PKD1: variants seen among roughly 807,000 people sequenced by gnomAD.
PKD1 encodes polycystin 1, transient receptor potential channel interacting.
Under a neutral mutation model 361.7 loss-of-function variants are expected in PKD1, and 81 were observed. The observed-to-expected ratio is 0.22, with a 90% CI of 0.19 to 0.27. The LOEUF (loss-of-function observed/expected upper bound fraction) is 0.27, where lower values mean the gene tolerates loss of function less well. Ranked by LOEUF, PKD1 falls within the 10% of genes least tolerant of loss-of-function variation. The pLI, the probability that PKD1 is intolerant of heterozygous loss-of-function variation, is 1.00. For synonymous variants in PKD1, 3,615 were observed against 2,818.3 expected (o/e 1.28, Z -8.95); for missense variants, 6,399 against 6,118.3 (o/e 1.05, Z -1.53).
chr16:2,129,878 G>T (rs1168831647), intron 1 of PKD1, among the ~76,000 whole-genome samples: 3 of 151,774 alleles, frequency 2.0e-5, no homozygotes, highest in Non-Finnish European at 4.4e-5. Context: ...GTCTGTTGTT[G>T]AATCATAGTG....
rs1381046981 is a variant in PKD1, at chr16:2,091,512, C to T, written c.11623G>A (p.Ala3875Thr). ...AAVTLRLEFP[A>T]AGRALAALSV... Reference sequence around the variant, plus strand: ...AGGGCGGCCAGGGCGCGGCCGGCCGCCGGGAACTCGAGGCGCAGCGTGACG... The same window carrying T: ...AGGGCGGCCAGGGCGCGGCCGGCCGTCGGGAACTCGAGGCGCAGCGTGACG... Residue 3875 changes from alanine (A) to threonine (T), a missense_variant, in exon 42 of 46, where the codon GCG becomes ACG. Coordinates refer to ENST00000262304, the MANE Select transcript of PKD1 (RefSeq NM_001009944.3). 3.4e-6 allele frequency: 5 copies of T among 1,451,364 alleles called. No individual in the cohort carries two copies. The highest frequency in any genetic ancestry group is 4.5e-6 in the Non-Finnish European group (5 of 1,112,630). 89.9% of individuals were successfully genotyped at this position (1,451,364 alleles called of 1,614,324 possible). A position where few individuals can be genotyped will look rare whatever the true frequency, so the allele number is the denominator to read the frequency against.
chr16:2,134,610 C>G (rs1160853276), intron 1 of PKD1, among the ~76,000 whole-genome samples: 2 of 151,694 alleles, frequency 1.3e-5, no homozygotes, highest in African/African-American at 4.9e-5. Context: ...ATGCACATCC[C>G]GGCTGTGATG....
intron 16 of PKD1, 146 bp downstream of exon 16, chr16:2,107,737 C>G: frequency 3.9e-6 from 3 of 761,252 alleles, no homozygotes; most frequent in South Asian, 1.6e-5. Flanking sequence ...AAAGCTGAAG[C>G]AGGCTGTCGT....
chr16:2,116,778 G>A lies in PKD1; in HGVS notation c.1606+55C>T, dbSNP rs777852280. 2.7e-4 allele frequency: 329 copies of A among 1,200,294 alleles called. 1 individual carries two copies. Among genetic ancestry groups the A allele is most frequent in the Non-Finnish European group, 3.5e-4 (299 of 842,818 alleles). 74.4% of individuals were successfully genotyped at this position (1,200,294 alleles called of 1,614,324 possible). ...AGCCCAGGCTCCACCGCGGGCGCTC[G>A]GCAGGCCCCTAACCACAGCCAGCGT... On this transcript the variant is annotated intron_variant, in intron 7 of 45. Coordinates refer to ENST00000262304, the MANE Select transcript of PKD1 (RefSeq NM_001009944.3).
chr16:2,130,578 G>A (rs2092861328), intron 1 of PKD1, among the ~76,000 whole-genome samples: 1 of 152,226 alleles, frequency 6.6e-6, no homozygotes, highest in Non-Finnish European at 1.5e-5. Context: ...CCTAGTCCTC[G>A]CTCTCAGGAT....
rs571731180 is a variant in PKD1 at position 2,088,763 on chromosome 16, G to C, written c.*964C>G. 1.8e-6 allele frequency: 2 copies of C among 1,112,224 alleles called. No individual in the cohort carries two copies. The highest frequency in any genetic ancestry group is 1.3e-6 in the Non-Finnish European group (1 of 793,798). 68.9% of individuals were successfully genotyped at this position (1,112,224 alleles called of 1,614,324 possible). The stretch of plus-strand genomic sequence containing the variant: ...GTCTGCTTGGTGCGGGGGTTGGGGG[G>C]GTGTCGAGGCTCTAGAAGCGGCCAT... On this transcript the variant is annotated 3_prime_UTR_variant, in exon 46 of 46. Transcript: ENST00000262304.
chr16:2,104,901 A>AAGGG (rs1277806215), intron 21 of PKD1, among the ~76,000 whole-genome samples: 5 of 6,606 alleles, frequency 7.6e-4, no homozygotes, highest in South Asian at 7.2e-3. Flanking sequence ...GAGGGGAGAG[A>AAGGG]GGAGAGGGGA....
rs763606015 is a variant in PKD1 at position 2,109,225 on chromosome 16, T to C, written c.5942A>G (p.Glu1981Gly). ...VSGLQVPNCC[E>G]PGIATGTERN... ...CTCAGTGCCCGTGGCGATGCCAGGC[T>C]CGCAGCAGTTGGGCACCTGCAGCCC... is the stretch of plus-strand genomic sequence containing the variant. The change falls in exon 15 of 46, where the codon GAG (glutamate) becomes GGG (glycine). Residue 1981 changes from glutamate to glycine, a missense_variant. By Grantham distance (98) the Glu-to-Gly change is moderately conservative (BLOSUM62 -2). Transcript: ENST00000262304. 6.3e-7 allele frequency: 1 copy of C among 1,590,850 alleles called. No individual in the cohort carries two copies. The highest frequency in any genetic ancestry group is 2.3e-5 in the East Asian group (1 of 44,350).
intron 1 of PKD1, among the ~76,000 whole-genome samples, chr16:2,123,220 AG>A (rs1567223141): frequency 6.6e-6 from 1 of 152,116 alleles, no homozygotes; most frequent in Non-Finnish European, 1.5e-5. Flanking sequence ...CCCCAGCCCA[AG>A]GCCCAGAAAT....
intron 6 of PKD1, among the ~76,000 whole-genome samples, 177 bp from the exon 7 acceptor site, chr16:2,117,230 C>T (rs1444653502): frequency 6.6e-6 from 1 of 152,198 alleles, no homozygotes; most frequent in Non-Finnish European, 1.5e-5. Flanking sequence ...CCCACGGGGC[C>T]TGTGGGTACC....
At chr16:2,135,001 C>G (rs1261140411) in intron 1 of PKD1, 1 of 595,046 alleles carries the variant, frequency 1.7e-6, no homozygotes, top group African/African-American at 2.1e-5. Flanking sequence ...TTGCTCACAC[C>G]GTTCACCCCC....
At chr16:2,090,847 G>A (rs1188216538) in intron 43 of PKD1, 37 bp downstream of exon 43, 1 of 1,610,090 alleles carries the variant, frequency 6.2e-7, no homozygotes, top group South Asian at 1.1e-5. Flanking sequence ...GCCCTGGGGT[G>A]TGCGCCCAGC....
At chr16:2,105,125 C>T (rs1331610086) in intron 21 of PKD1, among the ~76,000 whole-genome samples, 197 bp downstream of exon 21, 4 of 149,650 alleles carry the variant, frequency 2.7e-5, no homozygotes, top group African/African-American at 4.9e-5. Context: ...CTGGGTCCCC[C>T]GAGAGGCACC....
rs754218771 is a variant in PKD1, at chr16:2,100,169, C to A, written c.9709G>T (p.Ala3237Ser). ...GGLVEKEVLAASDAALLRFRR... is the reference protein window; with the variant it reads ...GGLVEKEVLASSDAALLRFRR... ...GGAACATGGAACGAGGCCTTACTCG[C>A]GGCCAGCACCTCCTTCTCCACCAGG... The change falls in exon 28 of 46, where the codon GCG (alanine) becomes TCG (serine). Residue 3237 changes from alanine to serine, a missense_variant. Transcript: ENST00000262304. The surrounding 1 kb of genome is among the most constrained non-coding windows in gnomAD (Gnocchi z 4.4). 1.2e-6 allele frequency: 2 copies of A among 1,607,888 alleles called. No homozygotes were observed. The highest frequency in any genetic ancestry group is 8.5e-7 in the Non-Finnish European group (1 of 1,177,436).
In PKD1 at chr16:2,109,756, C is replaced by A; in HGVS notation, c.5411G>T (p.Gly1804Val). The A allele has an allele frequency of 6.2e-7, 1 of 1,609,422 alleles. No homozygotes were observed. Among genetic ancestry groups the A allele is most frequent in the Non-Finnish European group, 8.5e-7 (1 of 1,179,320 alleles). The change falls in exon 15 of 46, where the codon GGC becomes GTC. Residue 1804 changes from glycine (G) to valine (V), a missense_variant. Gly to Val is a moderately radical substitution (Grantham distance 109, BLOSUM62 -3). Transcript: ENST00000262304. ...GGGCTCGCTGGCCCTGATGCTGAGGCCACTCACAGGCACCTGCACATCCAC... is the reference window on the plus strand; with the variant it reads ...GGGCTCGCTGGCCCTGATGCTGAGGACACTCACAGGCACCTGCACATCCAC... ...VEVDVQVPVSGLSIRASEPGG... is the reference protein window; with the variant it reads ...VEVDVQVPVSVLSIRASEPGG...
intron 11 of PKD1, 65 bp downstream of exon 11, chr16:2,114,105 T>C: frequency 7.3e-7 from 1 of 1,364,180 alleles, no homozygotes; most frequent in South Asian, 1.2e-5. Context: ...CCTCACGCCC[T>C]GTGTGAGCAC....
chr16:2,101,599 CAG>C (rs1675038195), intron 26 of PKD1, among the ~76,000 whole-genome samples: 1 of 152,190 alleles, frequency 6.6e-6, no homozygotes, highest in South Asian at 2.1e-4. Flanking sequence ...GCCTGGGCAA[CAG>C]AGTGAGACTC....
rs781194042 is a variant in PKD1, at chr16:2,112,863, G to T, written c.3086C>A (p.Ala1029Asp). The T allele has an allele frequency of 1.2e-6, 2 of 1,606,250 alleles. No homozygotes were observed. Among genetic ancestry groups the T allele is most frequent in the Non-Finnish European group, 1.7e-6 (2 of 1,179,682 alleles). ...MQGLQVSTVP[A>D]VLSPNATLAL... ...TAGCGTGGCATTGGGGGACAGCACG[G>T]CCGGCACTGTGGAGACCTGCAGACC... The change falls in exon 13 of 46, where the codon GCC becomes GAC. Residue 1029 changes from alanine to aspartate, a missense_variant. Coordinates refer to ENST00000262304, the MANE Select transcript of PKD1 (RefSeq NM_001009944.3).
At position 2,105,587 on chromosome 16, in the gene PKD1, G is replaced by A. The variant is rs1386346000; in HGVS notation, c.7864-113C>T. On this transcript the variant is annotated intron_variant, in intron 20 of 45. Transcript: ENST00000262304. ...TTACGTGCTAGACGCTGTGTGATGCGGGCACTGACCCACAACACTGAGCTG... is the reference window on the plus strand; with the variant it reads ...TTACGTGCTAGACGCTGTGTGATGCAGGCACTGACCCACAACACTGAGCTG... 52 of 1,590,178 alleles carry A rather than the reference G, an allele frequency of 3.3e-5. No homozygotes were observed. The East Asian group carries it at 4.0e-4, about 12-fold the overall frequency.
Sources: gnomAD v4.1 joint callset for allele counts (sites outside exome capture counted in the v4.1 genomes callset) on GRCh38, gnomAD v4.1.1 for gene constraint, Gnocchi (gnomAD v3.1) non-coding constraint, MANE v1.5 for transcripts, NCBI Gene and HGNC (gene_info 2026-07-23, HGNC 2026-07-21) for gene names.